Variants in TAF1A observed in about 807,000 individuals in gnomAD.
The protein encoded by TAF1A is TATA box-binding protein-associated factor RNA polymerase I subunit A.
TAF1A carries 42 observed loss-of-function variants against 61.6 expected under a neutral mutation model. The ratio of observed to expected loss-of-function variants is 0.68; its 90% CI spans 0.53 to 0.88. The LOEUF (loss-of-function observed/expected upper bound fraction) is 0.88, where lower values mean the gene tolerates loss of function less well. TAF1A is among the 40% of genes least tolerant of loss of function. The probability of loss-of-function intolerance (pLI) is 0.00; values close to 1 mark genes in which losing one functional copy is unlikely to be tolerated. For missense variants in TAF1A, 424 were observed against 518.7 expected, an observed-to-expected ratio of 0.82 and a Z score of 1.77; for synonymous variants, 179 against 177.7, an observed-to-expected ratio of 1.01 and a Z score of -0.06.
rs1661189944 is a variant in TAF1A at position 222,589,927 on chromosome 1, C to CGGAAGTGACTTCTGGAAGTGACCCA, written c.-204_-203insTGGGTCACTTCCAGAAGTCACTTCC. 4 of 397,308 alleles carry CGGAAGTGACTTCTGGAAGTGACCCA rather than the reference C, an allele frequency of 1.0e-5. No homozygotes were observed. The highest frequency in any genetic ancestry group is 1.8e-5 in the Non-Finnish European group (4 of 225,762). The allele number at this position is 397,308 out of a possible 1,614,324, so 24.6% of individuals were successfully genotyped here. A position where few individuals can be genotyped will look rare whatever the true frequency, so the allele number is the denominator to read the frequency against. On this transcript the variant is annotated 5_prime_UTR_variant, in exon 1 of 11. Coordinates refer to ENST00000352967, the MANE Select transcript of TAF1A (RefSeq NM_005681.4). ...CGTATCGTTGGCCTCGCCTCGACCC[C>CGGAAGTGACTTCTGGAAGTGACCCA]GGAAGTGACTTCTGGAAGTGACCCA...
rs1659799964 is a variant in TAF1A at position 222,558,767 on chromosome 1, T to C, written c.1246A>G (p.Arg416Gly). The change falls in exon 11 of 11, where the codon AGA becomes GGA. Residue 416 changes from arginine to glycine, a missense_variant. Physicochemically the swap from Arg to Gly is moderately radical, Grantham distance 125. Coordinates refer to ENST00000352967, the MANE Select transcript of TAF1A (RefSeq NM_005681.4). The part of the protein sequence containing the change: ...VAGLLLGKGC[R>G]YFRYILKQDH... ...TGCTTTAAAATATACCGGAAATATC[T>C]ACAACCTAAAAAGTTAAGCAAAATA... The C allele has an allele frequency of 6.6e-7, 1 of 1,505,890 alleles. No individual in the cohort carries two copies. The highest frequency in any genetic ancestry group is 2.1e-5 in the Admixed American group (1 of 48,484). The allele number at this position is 1,505,890 out of a possible 1,614,324, so 93.3% of individuals were successfully genotyped here.
Position 222,561,386 on chromosome 1 carries a change from C to T in TAF1A, c.1218G>A (p.Val406=). The T allele has an allele frequency of 1.2e-6, 2 of 1,606,030 alleles. No individual in the cohort carries two copies. The highest frequency in any genetic ancestry group is 1.7e-6 in the Non-Finnish European group (2 of 1,177,218). Residue 406 remains valine (V), a synonymous_variant, in exon 10 of 11, where the codon GTG becomes GTA. Coordinates refer to ENST00000352967, the MANE Select transcript of TAF1A (RefSeq NM_005681.4). ...DTALACEKAF[V]AGLLLGKGCR... Reference sequence around the variant, plus strand: ...TACCTTTTCCTAACAGTAAACCAGCCACAAAAGCTTTCTCACAGGCCAAAG... The same window carrying T: ...TACCTTTTCCTAACAGTAAACCAGCTACAAAAGCTTTCTCACAGGCCAAAG...
At chr1:222,560,087 A>T (rs1437978084) in intron 10 of TAF1A, among the ~76,000 whole-genome samples, 1 of 152,102 alleles carries the variant, frequency 6.6e-6, no homozygotes, top group Non-Finnish European at 1.5e-5. Flanking sequence ...CCAAGGAGAA[A>T]TGGGCCTGGC....
rs574718764 is a variant in TAF1A at position 222,583,817 on chromosome 1, G to A, written c.291+311C>T. Among the ~76,000 whole-genome samples, 11 of 141,258 alleles carry A rather than the reference G, an allele frequency of 7.8e-5. No homozygotes were observed. The East Asian group carries it at 8.2e-4, about 10-fold the overall frequency. The allele number at this position is 141,258 out of a possible 152,430, so 92.7% of individuals were successfully genotyped here. The stretch of plus-strand genomic sequence containing the variant: ...TCGCGCTACTTCACTCCAGCCTGGC[G>A]ACAGAGCAAGACTCCGTCTCAAAAA... On this transcript the variant is annotated intron_variant, in intron 3 of 10. Coordinates refer to ENST00000352967, the MANE Select transcript of TAF1A (RefSeq NM_005681.4).
intron 10 of TAF1A, 85 bp from the exon 11 acceptor site, chr1:222,558,857 T>A: frequency 1.8e-6 from 1 of 544,460 alleles, no homozygotes; most frequent in Non-Finnish European, 3.2e-6. Context: ...CTGCTTTAAG[T>A]TTAGCACACT....
In TAF1A at chr1:222,558,397, T is replaced by C. The variant is rs1659784095; in HGVS notation, c.*263A>G. On this transcript the variant is annotated 3_prime_UTR_variant, in exon 11 of 11. Transcript: ENST00000352967. ...CAATAACTGCTGTAGAGCTATATTC[T>C]GTAATTAGTTTGTCATTTGAAGAAT... 5.5e-6 allele frequency: 1 copy of C among 182,764 alleles called. No homozygotes were observed. Among genetic ancestry groups the C allele is most frequent in the Non-Finnish European group, 1.1e-5 (1 of 88,882 alleles). The allele number at this position is 182,764 out of a possible 1,614,324, so 11.3% of individuals were successfully genotyped here.
rs1196114508 is a variant in TAF1A at position 222,570,642 on chromosome 1, C to A, written c.628G>T (p.Ala210Ser). 1 of 1,609,186 alleles carries A rather than the reference C, an allele frequency of 6.2e-7. No homozygotes were observed. Among genetic ancestry groups the A allele is most frequent in the African/African-American group, 1.3e-5 (1 of 74,972 alleles). ...KLDKDDYAYNAVAQDVFNHSW... is the reference protein window; with the variant it reads ...KLDKDDYAYNSVAQDVFNHSW... ...TGGTTGAACACATCCTGGGCTACTG[C>A]ATTGTAAGCATAATCATCCTTATCT... The change falls in exon 6 of 11, where the codon GCA becomes TCA. Residue 210 changes from alanine (A) to serine (S), a missense_variant. Coordinates refer to ENST00000352967, the MANE Select transcript of TAF1A (RefSeq NM_005681.4).
At chr1:222,580,013 T>C (rs1024174439) in intron 3 of TAF1A, 141 bp from the exon 4 acceptor site, 29 of 963,626 alleles carry the variant, frequency 3.0e-5, no homozygotes, top group Admixed American at 1.4e-4. Flanking sequence ...TTTACTCTAC[T>C]TTGCCATGTA....
intron 7 of TAF1A, chr1:222,568,863 C>T (rs1660227433): frequency 6.6e-6 from 1 of 152,302 alleles, no homozygotes; most frequent in Non-Finnish European, 1.5e-5. Context: ...AAATGTCCAT[C>T]AAGAAGTGAA....
chr1:222,556,709 A>G (rs1241382786), downstream of TAF1A, among the ~76,000 whole-genome samples: 1 of 152,246 alleles, frequency 6.6e-6, no homozygotes, highest in Non-Finnish European at 1.5e-5. Context: ...AAAAATGTTG[A>G]GACAGCTTTG....
intron 1 of TAF1A, 84 bp from the exon 2 acceptor site, chr1:222,588,649 T>C (rs928469654): frequency 5.7e-6 from 8 of 1,394,992 alleles, no homozygotes; most frequent in Non-Finnish European, 5.8e-6. Context: ...GCTATCTTTT[T>C]ATCTAATAAA....
chr1:222,584,396 A>T, intron 2 of TAF1A, 99 bp from the exon 3 acceptor site: 2 of 1,164,014 alleles, frequency 1.7e-6, no homozygotes, highest in Non-Finnish European at 2.4e-6. Flanking sequence ...AGTAAACAGT[A>T]GGCATTACTT....
intron 8 of TAF1A, 77 bp downstream of exon 8, chr1:222,563,982 C>T (rs985511186): frequency 1.4e-5 from 12 of 861,732 alleles, no homozygotes; most frequent in Admixed American, 6.2e-5. Context: ...TGGATTTAGC[C>T]GATGGGCTAA....
At chr1:222,579,665 A>C in intron 4 of TAF1A, 94 bp downstream of exon 4, 1 of 1,442,576 alleles carries the variant, frequency 6.9e-7, no homozygotes, top group Non-Finnish European at 9.4e-7. Flanking sequence ...TCCTTGTCCC[A>C]CATTTTTTAG....
At chr1:222,587,152 T>C (rs182670183) in intron 2 of TAF1A, among the ~76,000 whole-genome samples, 14 of 152,346 alleles carry the variant, frequency 9.2e-5, no homozygotes, top group Admixed American at 7.8e-4. Context: ...CCTTAAGCCA[T>C]GTGCATTAAT....
chr1:222,571,595 C>T (rs560453571), intron 5 of TAF1A, among the ~76,000 whole-genome samples: 11 of 151,662 alleles, frequency 7.3e-5, no homozygotes, highest in African/African-American at 2.7e-4. Flanking sequence ...AATGAACAAG[C>T]AGAAGATAAA....
intron 3 of TAF1A, among the ~76,000 whole-genome samples, chr1:222,581,645 T>C (rs1250759034): frequency 6.6e-6 from 1 of 152,108 alleles, no homozygotes; most frequent in African/African-American, 2.4e-5. Context: ...AAAGTGCAGG[T>C]TGCAGTTGGA....
intron 5 of TAF1A, among the ~76,000 whole-genome samples, chr1:222,571,777 CA>C (rs1300400775): frequency 6.6e-6 from 1 of 152,242 alleles, no homozygotes; most frequent in East Asian, 1.9e-4. Flanking sequence ...TTACTATTGT[CA>C]AATTGATCTA....
rs752501266 is a variant in TAF1A, at chr1:222,564,065, T to C, written c.955A>G (p.Lys319Glu). 2.0e-5 allele frequency: 31 copies of C among 1,537,536 alleles called. 1 individual carries two copies. The highest frequency in any genetic ancestry group is 2.6e-5 in the Non-Finnish European group (29 of 1,116,002). ...LMLEFHTLLR[K>E]SEKEEHRKLG... is the part of the protein sequence containing the mutation. ...AACAACATTTATTTATTACCTGATT[T>C]TCTAAGTAATGTATGGAATTCCAAC... Residue 319 changes from lysine (K) to glutamate (E), a missense_variant, in exon 8 of 11, where the codon AAA becomes GAA. Coordinates refer to ENST00000352967, the MANE Select transcript of TAF1A (RefSeq NM_005681.4).
Sources: gnomAD v4.1 joint callset for allele counts (sites outside exome capture counted in the v4.1 genomes callset) on GRCh38, gnomAD v4.1.1 for gene constraint, MANE v1.5 for transcripts, NCBI Gene and HGNC (gene_info 2026-07-23, HGNC 2026-07-21) for gene names.